Variants in GALNT5 observed in about 807,000 individuals in gnomAD.
The protein encoded by GALNT5 is UDP-GalNAc:polypeptide N-acetylgalactosaminyltransferase 5.
Under a neutral mutation model 85.4 loss-of-function variants are expected in GALNT5, and 72 were observed. That is an observed-to-expected ratio of 0.84 (90% CI 0.70 to 1.03). GALNT5 has a LOEUF of 1.03. GALNT5 is among the 50% of genes least tolerant of loss of function. The probability of loss-of-function intolerance (pLI) is 0.00; values close to 1 mark genes in which losing one functional copy is unlikely to be tolerated. For synonymous variants in GALNT5, 404 were observed against 397.0 expected, an observed-to-expected ratio of 1.02 and a Z score of -0.21; for missense variants, 1,137 against 1,135.5, an observed-to-expected ratio of 1.00 and a Z score of -0.02.
chr2:157,298,783 G>C (rs1188626506), intron 5 of GALNT5: 1 of 152,242 alleles, frequency 6.6e-6, no homozygotes. Context: ...CAGTACAGTG[G>C]AGTGAGTGGC....
intron 4 of GALNT5, 107 bp downstream of exon 4, chr2:157,295,905 C>T: frequency 2.6e-6 from 2 of 771,962 alleles, no homozygotes; most frequent in Non-Finnish European, 4.2e-6. Flanking sequence ...AAATCCAAGA[C>T]ATATACAGTT....
intron 3 of GALNT5, among the ~76,000 whole-genome samples, chr2:157,293,401 T>C (rs1222738938): frequency 2.0e-5 from 3 of 152,094 alleles, no homozygotes; most frequent in Non-Finnish European, 1.5e-5. Context: ...TAATCCTACT[T>C]AAGAAGACTC....
intron 1 of GALNT5, among the ~76,000 whole-genome samples, chr2:157,264,014 A>T (rs1251859052): frequency 3.3e-5 from 5 of 152,214 alleles, no homozygotes; most frequent in African/African-American, 1.2e-4. Context: ...ATACAACTTC[A>T]TTGTTGCCTA....
At chr2:157,272,437 G>A (rs1682610772) in intron 1 of GALNT5, among the ~76,000 whole-genome samples, 2 of 152,092 alleles carry the variant, frequency 1.3e-5, no homozygotes, top group South Asian at 4.1e-4. Context: ...AGGGTATATT[G>A]CATGCTGCTG....
rs192867278 is a variant in GALNT5 at position 157,270,083 on chromosome 2, C to T, written c.1454+10547C>T. Among the ~76,000 whole-genome samples, 582 of 152,066 alleles carry T rather than the reference C, an allele frequency of 3.8e-3. 2 individuals are homozygous for T. Among genetic ancestry groups the T allele is most frequent in the African/African-American group, 0.013 (543 of 41,456 alleles). On this transcript the variant is annotated intron_variant, in intron 1 of 9. Coordinates refer to ENST00000259056, the MANE Select transcript of GALNT5 (RefSeq NM_014568.3). The stretch of plus-strand genomic sequence containing the variant: ...GGCTGTAGCTGTTTTCTTCTGTACC[C>T]TCCCTTTCACTCAGGCTATTAAACT...
chr2:157,288,041 C>CGTCCT (rs1683015338), intron 3 of GALNT5, among the ~76,000 whole-genome samples: 1 of 152,182 alleles, frequency 6.6e-6, no homozygotes. Flanking sequence ...CCCCAGAGTC[C>CGTCCT]GTCCTCTTAT....
chr2:157,258,154 C>T lies in GALNT5; in HGVS notation c.72C>T (p.Ile24=). The change falls in exon 1 of 10, where the codon ATC becomes ATT. Residue 24 remains isoleucine (I), a synonymous_variant. Transcript: ENST00000259056. The stretch of plus-strand genomic sequence containing the variant: ...CATTTATCTTTGTAGCTTCTGTCAT[C>T]TGGCTCCTCTTTGACATGGCAGCTC... ...VLAFIFVASV[I]WLLFDMAALR... 1 of 1,614,080 alleles carries T rather than the reference C, an allele frequency of 6.2e-7. No individual in the cohort carries two copies. Among genetic ancestry groups the T allele is most frequent in the Non-Finnish European group, 8.5e-7 (1 of 1,179,982 alleles).
rs1683608989 is a variant in GALNT5 at position 157,312,972 on chromosome 2, C to T, written c.*1624C>T. On this transcript the variant is annotated 3_prime_UTR_variant, in exon 10 of 10. Coordinates refer to ENST00000259056, the MANE Select transcript of GALNT5 (RefSeq NM_014568.3). ...TAGTTTAACATTTAATTTTGACTCC[C>T]AATGAGTTACGTAAAAGCAAAACTA... 6.6e-6 allele frequency: 1 copy of T among 151,994 alleles called. No individual in the cohort carries two copies. Among genetic ancestry groups the T allele is most frequent in the South Asian group, 2.1e-4 (1 of 4,820 alleles). 9.4% of individuals were successfully genotyped at this position (151,994 alleles called of 1,614,324 possible). A position where few individuals can be genotyped will look rare whatever the true frequency, so the allele number is the denominator to read the frequency against.
chr2:157,257,976 T>C lies in GALNT5; in HGVS notation c.-107T>C. ...GCTGTGTTCAGGGGAGGGGGTCACTTTCTGGCAACTCTGCTGCTGCTGCTG... is the reference window on the plus strand; with the variant it reads ...GCTGTGTTCAGGGGAGGGGGTCACTCTCTGGCAACTCTGCTGCTGCTGCTG... On this transcript the variant is annotated 5_prime_UTR_variant, in exon 1 of 10. Coordinates refer to ENST00000259056, the MANE Select transcript of GALNT5 (RefSeq NM_014568.3). The C allele has an allele frequency of 8.6e-7, 1 of 1,165,316 alleles. No individual in the cohort carries two copies. The allele number at this position is 1,165,316 out of a possible 1,614,324, so 72.2% of individuals were successfully genotyped here.
intron 1 of GALNT5, among the ~76,000 whole-genome samples, chr2:157,265,788 T>C (rs966520452): frequency 1.3e-5 from 2 of 152,336 alleles, no homozygotes; most frequent in African/African-American, 4.8e-5. Context: ...TTAGAAGCTG[T>C]ATTTTGCTGT....
chr2:157,288,267 AG>A (rs1280695763), intron 3 of GALNT5, among the ~76,000 whole-genome samples: 5 of 152,252 alleles, frequency 3.3e-5, no homozygotes, highest in Non-Finnish European at 5.9e-5. Context: ...GGAAATTTTA[AG>A]TAAGCAACAA....
In GALNT5 at chr2:157,312,016, A is replaced by C. The variant is rs1683584102; in HGVS notation, c.*668A>C. Reference sequence around the variant, plus strand: ...AGAAGAGGCCTTCAAATGCTTATTTAATTCTAGGTATGAACACTATTTCAG... The same window carrying C: ...AGAAGAGGCCTTCAAATGCTTATTTCATTCTAGGTATGAACACTATTTCAG... On this transcript the variant is annotated 3_prime_UTR_variant, in exon 10 of 10. Coordinates refer to ENST00000259056, the MANE Select transcript of GALNT5 (RefSeq NM_014568.3). 6.6e-6 allele frequency: 1 copy of C among 152,186 alleles called. No homozygotes were observed. The highest frequency in any genetic ancestry group is 6.5e-5 in the Admixed American group (1 of 15,272). 9.4% of individuals were successfully genotyped at this position (152,186 alleles called of 1,614,324 possible). A position where few individuals can be genotyped will look rare whatever the true frequency, so the allele number is the denominator to read the frequency against.
chr2:157,292,834 T>G (rs1191488565), intron 3 of GALNT5, among the ~76,000 whole-genome samples: 1 of 152,096 alleles, frequency 6.6e-6, no homozygotes, highest in East Asian at 1.9e-4. Flanking sequence ...GCCTCCTGAA[T>G]AGCTGGGGCT....
chr2:157,300,607 T>C (rs1416226848), intron 6 of GALNT5, 69 bp from the exon 7 acceptor site: 8 of 1,250,600 alleles, frequency 6.4e-6, no homozygotes, highest in Non-Finnish European at 9.2e-6. Context: ...TGGTTTCTTG[T>C]CATTGTTAAG....
chr2:157,301,010 G>C lies in GALNT5; in HGVS notation c.2439+11G>C, dbSNP rs377621996. ...AGAGCTAGTGGTGTGGTAAGTTCAAGTGGCAATTTAAAATCTTACTCCATA... is the reference window on the plus strand; with the variant it reads ...AGAGCTAGTGGTGTGGTAAGTTCAACTGGCAATTTAAAATCTTACTCCATA... On this transcript the variant is annotated intron_variant, in intron 7 of 9. Transcript: ENST00000259056. The C allele has an allele frequency of 1.3e-4, 205 of 1,588,804 alleles. No homozygotes were observed. The highest frequency in any genetic ancestry group is 1.7e-4 in the Non-Finnish European group (196 of 1,163,440).
chr2:157,318,097 C>T lies in GALNT5; in HGVS notation c.*6749C>T, dbSNP rs1384749853. The stretch of plus-strand genomic sequence containing the variant: ...AAGAGAAGTGGTTGCCTTTCTCATA[C>T]TGTCAAACATATTTCTTCTTTATTA... On this transcript the variant is annotated 3_prime_UTR_variant, in exon 10 of 10. Transcript: ENST00000259056. 6.6e-6 allele frequency among the ~76,000 whole-genome samples: 1 copy of T among 152,084 alleles called. No homozygotes were observed. The highest frequency in any genetic ancestry group is 1.5e-5 in the Non-Finnish European group (1 of 67,980).
chr2:157,285,597 A>G (rs1272199360), intron 2 of GALNT5, among the ~76,000 whole-genome samples: 1 of 152,204 alleles, frequency 6.6e-6, no homozygotes, highest in Non-Finnish European at 1.5e-5. Context: ...GTAGAGAATG[A>G]AAGGGTCTTA....
intron 1 of GALNT5, among the ~76,000 whole-genome samples, chr2:157,260,798 T>C (rs1009959186): frequency 5.3e-5 from 8 of 152,214 alleles, no homozygotes; most frequent in Admixed American, 3.9e-4. Context: ...CAGGTCGTTT[T>C]CCATCTCTTA....
Position 157,259,140 on chromosome 2 carries a change from A to G in GALNT5, c.1058A>G (p.Lys353Arg). The G allele has an allele frequency of 6.7e-7, 1 of 1,490,462 alleles. No individual in the cohort carries two copies. The allele number at this position is 1,490,462 out of a possible 1,614,324, so 92.3% of individuals were successfully genotyped here. ...TKTIFPKVLG[K>R]SQSKHISRNR... ...ACAATATTTCCTAAAGTATTGGGTA[A>G]AAGCCAAAGTAAACACATTTCCAGG... Residue 353 changes from lysine to arginine, a missense_variant, in exon 1 of 10, where the codon AAA becomes AGA. By Grantham distance (26) the Lys-to-Arg change is conservative. Transcript: ENST00000259056.
Sources: gnomAD v4.1 joint callset for allele counts (sites outside exome capture counted in the v4.1 genomes callset) on GRCh38, gnomAD v4.1.1 for gene constraint, MANE v1.5 for transcripts, NCBI Gene and HGNC (gene_info 2026-07-23, HGNC 2026-07-21) for gene names.